Variants in RANBP2 observed in about 807,000 individuals in gnomAD.
The protein encoded by RANBP2 is E3 SUMO-protein ligase RanBP2.
RANBP2 carries 57 observed loss-of-function variants against 303.6 expected under a neutral mutation model. The ratio of observed to expected loss-of-function variants is 0.19; its 90% CI spans 0.15 to 0.23. The LOEUF is 0.23. RANBP2 is among the 10% of genes least tolerant of loss of function. The probability of loss-of-function intolerance (pLI) is 1.00; values close to 1 mark genes in which losing one functional copy is unlikely to be tolerated. For missense variants in RANBP2, 3,138 were observed against 3,780.8 expected (o/e 0.83, Z 4.46); for synonymous variants, 1,167 against 1,301.5 (o/e 0.90, Z 2.23).
the RANBP2 span, among the ~76,000 whole-genome samples, chr2:109,424,269 G>A: frequency 6.6e-6 from 1 of 152,060 alleles, no homozygotes; most frequent in Non-Finnish European, 1.5e-5. Flanking sequence ...CCTTTGAAGG[G>A]GCAGTCATGG....
the RANBP2 span, among the ~76,000 whole-genome samples, chr2:108,904,721 C>T: frequency 6.6e-6 from 1 of 152,158 alleles, no homozygotes; most frequent in Non-Finnish European, 1.5e-5. Context: ...ACCACGGTTA[C>T]ATACCTTGTG....
At chr2:108,805,964 T>C in the RANBP2 span, among the ~76,000 whole-genome samples, 1 of 152,070 alleles carries the variant, frequency 6.6e-6, no homozygotes, top group African/African-American at 2.4e-5. Flanking sequence ...AATGAAAGCA[T>C]TGGGCTGGGA....
chr2:109,461,444 CGCG>C, the RANBP2 span, among the ~76,000 whole-genome samples: 3 of 137,182 alleles, frequency 2.2e-5, 1 homozygote, highest in African/African-American at 8.1e-5. Flanking sequence ...TAAAGACCTG[CGCG>C]GTGATCCACC....
the RANBP2 span, among the ~76,000 whole-genome samples, chr2:109,150,362 C>T: frequency 2.6e-5 from 4 of 152,110 alleles, no homozygotes; most frequent in Non-Finnish European, 5.9e-5. Context: ...GGTACAAGAC[C>T]ATGCTAGGGA....
the RANBP2 span, among the ~76,000 whole-genome samples, chr2:109,468,976 T>C: frequency 6.6e-6 from 1 of 150,526 alleles, no homozygotes; most frequent in Non-Finnish European, 1.5e-5. Context: ...CGGGGGCTAC[T>C]AGATGCATGT....
the RANBP2 span, among the ~76,000 whole-genome samples, chr2:109,533,811 G>A: frequency 2.0e-5 from 3 of 152,170 alleles, no homozygotes; most frequent in Non-Finnish European, 2.9e-5. Flanking sequence ...TCCAGCTCCT[G>A]ATATTCCTGA....
the RANBP2 span, among the ~76,000 whole-genome samples, chr2:109,002,458 C>A: frequency 2.0e-5 from 3 of 152,204 alleles, no homozygotes; most frequent in East Asian, 5.8e-4. Flanking sequence ...GCTGGAGTGG[C>A]CTTTCTATGA....
At chr2:108,882,913 CCTTGT>C in the RANBP2 span, 1 of 151,650 alleles carries the variant, frequency 6.6e-6, no homozygotes, top group East Asian at 1.9e-4. Context: ...CTAAAAAAGA[CCTTGT>C]CTTCTTTATA....
At chr2:109,312,660 G>A in the RANBP2 span, among the ~76,000 whole-genome samples, 4 of 152,246 alleles carry the variant, frequency 2.6e-5, no homozygotes, top group East Asian at 1.9e-4. Flanking sequence ...CTTTTACTTC[G>A]TATTTTCGAA....
intron 7 of RANBP2, among the ~76,000 whole-genome samples, chr2:108,742,869 A>G (rs1397726195): frequency 6.6e-6 from 1 of 151,982 alleles, no homozygotes; most frequent in Non-Finnish European, 1.5e-5. Context: ...GCTCACTGCA[A>G]GCTCCACCTC....
At chr2:108,892,957 C>CCAT in the RANBP2 span, among the ~76,000 whole-genome samples, 2 of 152,196 alleles carry the variant, frequency 1.3e-5, no homozygotes, top group Non-Finnish European at 2.9e-5. Flanking sequence ...CTTCTAGTAG[C>CCAT]CATCTTTGTC....
chr2:109,742,735 A>G, the RANBP2 span, among the ~76,000 whole-genome samples: 2 of 146,948 alleles, frequency 1.4e-5, no homozygotes, highest in South Asian at 4.5e-4. Flanking sequence ...AGGAGAATGA[A>G]GTCAGAGTAC....
At chr2:109,047,681 G>T in the RANBP2 span, among the ~76,000 whole-genome samples, 1 of 152,166 alleles carries the variant, frequency 6.6e-6, no homozygotes, top group Admixed American at 6.5e-5. Flanking sequence ...GTGGTGGCAG[G>T]CACCTGTAAT....
the RANBP2 span, among the ~76,000 whole-genome samples, chr2:109,381,033 T>C: frequency 2.0e-5 from 3 of 152,318 alleles, no homozygotes; most frequent in South Asian, 6.2e-4. Flanking sequence ...GCAGTAGTTG[T>C]GAAATTGTGT....
chr2:109,606,231 A>G, the RANBP2 span, among the ~76,000 whole-genome samples: 1 of 152,186 alleles, frequency 6.6e-6, no homozygotes, highest in African/African-American at 2.4e-5. Flanking sequence ...CCTGGCCAAC[A>G]TGGTGAAACC....
the RANBP2 span, chr2:109,564,332 C>A: frequency 8.0e-5 from 119 of 1,484,598 alleles, no homozygotes; most frequent in Non-Finnish European, 1.1e-4. Flanking sequence ...CTCTAACTTC[C>A]TCTTTGGTTG....
At chr2:109,249,911 C>T in the RANBP2 span, among the ~76,000 whole-genome samples, 4 of 151,844 alleles carry the variant, frequency 2.6e-5, no homozygotes, top group Admixed American at 2.6e-4. Context: ...GTCTCGATCT[C>T]CTGACCTCAT....
chr2:109,588,535 C>A, the RANBP2 span, among the ~76,000 whole-genome samples: 7 of 152,028 alleles, frequency 4.6e-5, no homozygotes, highest in South Asian at 1.5e-3. Context: ...GCTCTTTCGC[C>A]CAGGCTGGAG....
intron 25 of RANBP2, among the ~76,000 whole-genome samples, 192 bp downstream of exon 25, chr2:108,777,423 C>G (rs553620988): frequency 6.6e-6 from 1 of 151,036 alleles, no homozygotes; most frequent in South Asian, 2.1e-4. Context: ...AGAATTTTCT[C>G]TTAATTTTAT....
Sources: allele counts gnomAD v4.1 joint callset (sites outside exome capture counted in the v4.1 genomes callset), GRCh38; gene constraint gnomAD v4.1.1; transcripts MANE v1.5; gene names NCBI Gene and HGNC (gene_info 2026-07-23, HGNC 2026-07-21).